TYR: variants seen among roughly 807,000 people sequenced by gnomAD.
The protein encoded by TYR is tyrosinase, also known as LB24-AB.
TYR carries 58 observed loss-of-function variants against 51.5 expected under a neutral mutation model. The observed-to-expected ratio is 1.13, with a 90% confidence interval of 0.91 to 1.40. The LOEUF (loss-of-function observed/expected upper bound fraction) is 1.40, where lower values mean the gene tolerates loss of function less well. TYR is among the 40% of genes most tolerant of loss of function. TYR has a pLI of 0.00. For synonymous variants in TYR, 263 were observed against 235.2 expected, an observed-to-expected ratio of 1.12 and a Z score of -1.08; for missense variants, 732 against 647.4, an observed-to-expected ratio of 1.13 and a Z score of -1.42.
intron 3 of TYR, among the ~76,000 whole-genome samples, chr11:89,273,250 G>A (rs531597309): frequency 8.4e-4 from 127 of 151,886 alleles, no homozygotes; most frequent in Non-Finnish European, 1.4e-3. Context: ...TTGATTTAAA[G>A]TGACTCTTCC....
intron 2 of TYR, among the ~76,000 whole-genome samples, chr11:89,217,053 C>T (rs1943841185): frequency 6.6e-6 from 1 of 152,092 alleles, no homozygotes. Flanking sequence ...CAATCTTTTA[C>T]CCATGTTTTG....
intron 1 of TYR, among the ~76,000 whole-genome samples, chr11:89,184,676 AAT>A (rs1416698208): frequency 2.0e-5 from 3 of 152,176 alleles, no homozygotes; most frequent in Non-Finnish European, 4.4e-5. Flanking sequence ...TTATTTGTTG[AAT>A]AGTTTCTTTT....
chr11:89,186,285 A>C (rs1030257268), intron 1 of TYR, among the ~76,000 whole-genome samples: 3 of 152,200 alleles, frequency 2.0e-5, no homozygotes, highest in Non-Finnish European at 4.4e-5. Flanking sequence ...CAGACCCTAC[A>C]TTTGAGGTTT....
chr11:89,182,898 A>C (rs975677276), intron 1 of TYR, among the ~76,000 whole-genome samples: 1 of 152,132 alleles, frequency 6.6e-6, no homozygotes, highest in Non-Finnish European at 1.5e-5. Context: ...GCTGATACAC[A>C]TGAGTGAATT....
In TYR at chr11:89,241,046, C is replaced by G. The variant is rs145344943; in HGVS notation, c.1184+13076C>G. Among the ~76,000 whole-genome samples the G allele has an allele frequency of 5.0e-3, 763 of 152,208 alleles. 5 individuals carry two copies. Among genetic ancestry groups the G allele is most frequent in the African/African-American group, 0.017 (719 of 41,524 alleles). On this transcript the variant is annotated intron_variant, in intron 3 of 4. Transcript: ENST00000263321. ...GTTGTTTATTCTGTTTCTACACAAA[C>G]ATCAGATTTGGGAAAAACTAAAGAC...
intron 1 of TYR, among the ~76,000 whole-genome samples, chr11:89,185,250 T>G (rs895269479): frequency 1.3e-5 from 2 of 152,136 alleles, no homozygotes; most frequent in Admixed American, 6.6e-5. Context: ...ATTTCTAATT[T>G]TAATGTATAT....
At chr11:89,290,911 T>G (rs1246347146) in intron 4 of TYR, among the ~76,000 whole-genome samples, 1 of 152,000 alleles carries the variant, frequency 6.6e-6, no homozygotes, top group Non-Finnish European at 1.5e-5. Context: ...AAGGAATTGT[T>G]TTGTTAGAAA....
chr11:89,233,076 CA>C (rs1944071735), intron 3 of TYR, among the ~76,000 whole-genome samples: 1 of 143,952 alleles, frequency 6.9e-6, no homozygotes, highest in Non-Finnish European at 1.5e-5. Flanking sequence ...AAACTTCTTA[CA>C]AAATTGGACT....
In TYR at chr11:89,263,493, T is replaced by C. The variant is rs117980328; in HGVS notation, c.1185-21280T>C. ...TTGCTTAGACTACTTCTGTTTCACA[T>C]TGTATCGAAGGTTTAAGCCAGGGCC... On this transcript the variant is annotated intron_variant, in intron 3 of 4. Coordinates refer to ENST00000263321, the MANE Select transcript of TYR (RefSeq NM_000372.5). Among the ~76,000 whole-genome samples, 113 of 152,120 alleles carry C rather than the reference T, an allele frequency of 7.4e-4. No homozygotes were observed. In the East Asian group the frequency reaches 0.021, roughly 28 times the overall value.
At chr11:89,267,724 T>C (rs1243023711) in intron 3 of TYR, among the ~76,000 whole-genome samples, 3 of 151,962 alleles carry the variant, frequency 2.0e-5, no homozygotes, top group Admixed American at 1.3e-4. Context: ...AAATGTCACG[T>C]AGTTTTCCAC....
In TYR at chr11:89,249,411, G is replaced by A. The variant is rs369071547; in HGVS notation, c.1184+21441G>A. Among the ~76,000 whole-genome samples, 56 of 148,812 alleles carry A rather than the reference G, an allele frequency of 3.8e-4. 1 individual carries two copies. In the South Asian group the frequency reaches 0.012, roughly 31 times the overall value. On this transcript the variant is annotated intron_variant, in intron 3 of 4. Transcript: ENST00000263321. Reference sequence around the variant, plus strand: ...GTCAGCAAAAGCAAAGAAGACAGAGGGTCATTGACCAGTGAGGAAGCAGGA... The same window carrying A: ...GTCAGCAAAAGCAAAGAAGACAGAGAGTCATTGACCAGTGAGGAAGCAGGA...
Position 89,233,769 on chromosome 11 carries a change from T to C in TYR, c.1184+5799T>C, listed in dbSNP as rs535781496. ...AGGGAGTTGGTCTCAGCAATGGGCT[T>C]AAAGTATTCAGTAAACCATGCTGTA... On this transcript the variant is annotated intron_variant, in intron 3 of 4. Transcript: ENST00000263321. Among the ~76,000 whole-genome samples, 2 of 143,028 alleles carry C rather than the reference T, an allele frequency of 1.4e-5. 1 individual carries two copies. The highest frequency in any genetic ancestry group is 4.7e-4 in the South Asian group (2 of 4,300). The allele number at this position is 143,028 out of a possible 152,430, so 93.8% of individuals were successfully genotyped here. A position where few individuals can be genotyped will look rare whatever the true frequency, so the allele number is the denominator to read the frequency against.
At chr11:89,279,993 A>T (rs1257943917) in intron 3 of TYR, among the ~76,000 whole-genome samples, 1 of 151,114 alleles carries the variant, frequency 6.6e-6, no homozygotes, top group African/African-American at 2.4e-5. Context: ...ATCTGTACAG[A>T]CTCCTCTATA....
chr11:89,252,146 G>A (rs1463062497), intron 3 of TYR, among the ~76,000 whole-genome samples: 1 of 151,722 alleles, frequency 6.6e-6, no homozygotes. Flanking sequence ...TCTTAAAGTT[G>A]ATATATGGCT....
At chr11:89,238,288 A>C (rs1944145658) in intron 3 of TYR, among the ~76,000 whole-genome samples, 1 of 152,142 alleles carries the variant, frequency 6.6e-6, no homozygotes, top group African/African-American at 2.4e-5. Context: ...ATTTTTAATT[A>C]ACAACTAATG....
intron 2 of TYR, among the ~76,000 whole-genome samples, chr11:89,194,277 CTAATA>C (rs980838628): frequency 1.1e-4 from 16 of 152,134 alleles, no homozygotes; most frequent in African/African-American, 3.1e-4. Flanking sequence ...TTGAGTGTAT[CTAATA>C]TTTCTTCATG....
At chr11:89,279,866 G>C (rs1944700477) in intron 3 of TYR, among the ~76,000 whole-genome samples, 2 of 151,828 alleles carry the variant, frequency 1.3e-5, no homozygotes, top group East Asian at 3.9e-4. Context: ...TACTTAGTGA[G>C]TGGGGAGTTA....
At chr11:89,215,970 A>C (rs1338584383) in intron 2 of TYR, among the ~76,000 whole-genome samples, 3 of 152,202 alleles carry the variant, frequency 2.0e-5, no homozygotes, top group African/African-American at 7.2e-5. Flanking sequence ...TATTATAATG[A>C]AGAAAATAAT....
At chr11:89,234,154 T>C (rs1383813747) in intron 3 of TYR, among the ~76,000 whole-genome samples, 1 of 143,768 alleles carries the variant, frequency 7.0e-6, no homozygotes, top group Non-Finnish European at 1.5e-5. Flanking sequence ...GTTGCTTCAC[T>C]TTGCAGTTTT....
Sources: gnomAD v4.1 joint callset for allele counts (sites outside exome capture counted in the v4.1 genomes callset) on GRCh38, gnomAD v4.1.1 for gene constraint, MANE v1.5 for transcripts, NCBI Gene and HGNC (gene_info 2026-07-23, HGNC 2026-07-21) for gene names.